NFYA: variants seen among roughly 807,000 people sequenced by gnomAD.
NFYA encodes nuclear transcription factor Y subunit alpha.
A neutral mutation model predicts 52.8 loss-of-function variants in NFYA; 28 were observed. The ratio of observed to expected loss-of-function variants is 0.53; its 90% CI spans 0.39 to 0.73. The LOEUF (loss-of-function observed/expected upper bound fraction) is 0.73, where lower values mean the gene tolerates loss of function less well. Ranked by LOEUF, NFYA falls within the 30% of genes least tolerant of loss-of-function variation. The pLI is 0.00. For synonymous variants in NFYA, 150 were observed against 150.7 expected, an observed-to-expected ratio of 1.00 and a Z score of 0.03; for missense variants, 234 against 427.0, an observed-to-expected ratio of 0.55 and a Z score of 3.98.
Position 41,093,065 on chromosome 6 carries a change from A to G in NFYA, c.868A>G (p.Lys290Glu). The change falls in exon 8 of 10, where the codon AAA becomes GAA. Residue 290 changes from lysine to glutamate, a missense_variant. Around this residue, in one of 3 missense-constraint regions of NFYA, gnomAD observed 81 missense variants for 210.5 expected, o/e 0.38. Transcript: ENST00000341376. ...QARAKLEAEG[K>E]IPKERRKYLH... ...CCGAGCTAAACTAGAGGCAGAAGGG[A>G]AAATTCCAAAGGAGAGAAGGGTATG... 6.2e-7 allele frequency: 1 copy of G among 1,614,146 alleles called. No homozygotes were observed. Among genetic ancestry groups the G allele is most frequent in the Non-Finnish European group, 8.5e-7 (1 of 1,179,990 alleles).
In NFYA at chr6:41,088,869, T is replaced by C. The variant is rs1582031736; in HGVS notation, c.310-710T>C. Among the ~76,000 whole-genome samples, 2 of 152,108 alleles carry C rather than the reference T, an allele frequency of 1.3e-5. 1 individual carries two copies. The highest frequency in any genetic ancestry group is 3.9e-4 in the East Asian group (2 of 5,164). ...GTGCTGGGATTATGGGCATAAGCCA[T>C]TGTACCCGGCTTTCAGCATTTTTAA... On this transcript the variant is annotated intron_variant, in intron 4 of 9. Transcript: ENST00000341376.
chr6:41,077,333 A>G (rs187985609), intron 1 of NFYA, among the ~76,000 whole-genome samples: 1 of 152,140 alleles, frequency 6.6e-6, no homozygotes, highest in South Asian at 2.1e-4. Context: ...ATGAAGATAT[A>G]AAACATTTTC....
chr6:41,076,342 C>T (rs1763733038), intron 1 of NFYA, among the ~76,000 whole-genome samples: 1 of 152,184 alleles, frequency 6.6e-6, no homozygotes, highest in South Asian at 2.1e-4. Context: ...ATGCTTTATA[C>T]ATGTGTGCAC....
intron 4 of NFYA, among the ~76,000 whole-genome samples, chr6:41,084,968 A>G (rs1260358092): frequency 6.6e-6 from 1 of 152,248 alleles, no homozygotes; most frequent in Admixed American, 6.5e-5. Context: ...CTCAAAAAAA[A>G]AGAAGAGATT....
At chr6:41,077,000 T>C (rs1763749665) in intron 1 of NFYA, among the ~76,000 whole-genome samples, 1 of 152,228 alleles carries the variant, frequency 6.6e-6, no homozygotes, top group South Asian at 2.1e-4. Flanking sequence ...ATTTAAATAT[T>C]GCTAAATTGG....
intron 3 of NFYA, among the ~76,000 whole-genome samples, chr6:41,082,249 C>T (rs749800987): frequency 2.6e-5 from 4 of 152,134 alleles, no homozygotes; most frequent in Admixed American, 6.6e-5. Context: ...TAAATTAAGC[C>T]GAAAGAAACT....
intron 1 of NFYA, among the ~76,000 whole-genome samples, chr6:41,074,665 G>A (rs934494178): frequency 3.3e-5 from 5 of 152,218 alleles, no homozygotes; most frequent in African/African-American, 7.2e-5. Flanking sequence ...GATAGTTTAG[G>A]GGGGAAAGCC....
intron 4 of NFYA, among the ~76,000 whole-genome samples, chr6:41,087,890 A>AAGATAGATTTGGATAGCACAC (rs1764088799): frequency 6.6e-6 from 1 of 152,210 alleles, no homozygotes. Context: ...AAAAAGAAAG[A>AAGATAGATTTGGATAGCACAC]AGATAGATTT....
rs781245771 is a variant in NFYA at position 41,100,469 on chromosome 6, C to T, written c.*3059C>T. On this transcript the variant is annotated 3_prime_UTR_variant, in exon 10 of 10. Coordinates refer to ENST00000341376, the MANE Select transcript of NFYA (RefSeq NM_002505.5). ...CTAAGCAACAAAGACTAGAAGCCTC[C>T]GATATGCCATTATCAACACACAAGA... Among the ~76,000 whole-genome samples, 13 of 152,126 alleles carry T rather than the reference C, an allele frequency of 8.5e-5. No individual in the cohort carries two copies. Among genetic ancestry groups the T allele is most frequent in the Non-Finnish European group, 1.6e-4 (11 of 68,026 alleles).
intron 4 of NFYA, among the ~76,000 whole-genome samples, chr6:41,085,135 A>C (rs9296352): frequency 0.22 from 33,721 of 152,194 alleles, 5,413 homozygotes; most frequent in African/African-American, 0.45. Context: ...TTGGTAATTT[A>C]AAACTGTAGA....
At chr6:41,085,047 C>T (rs1451928300) in intron 4 of NFYA, among the ~76,000 whole-genome samples, 3 of 151,502 alleles carry the variant, frequency 2.0e-5, no homozygotes, top group East Asian at 1.9e-4. Flanking sequence ...TATTTCTCAT[C>T]GAGATGGCAA....
chr6:41,085,684 G>A (rs1161118245), intron 4 of NFYA, among the ~76,000 whole-genome samples: 1 of 151,786 alleles, frequency 6.6e-6, no homozygotes, highest in Admixed American at 6.6e-5. Flanking sequence ...TACTTTTTGT[G>A]TATTCTTTTG....
intron 4 of NFYA, 84 bp from the exon 5 acceptor site, chr6:41,089,495 C>CTAGAGAAAT: frequency 1.4e-6 from 2 of 1,387,920 alleles, no homozygotes; most frequent in Non-Finnish European, 9.5e-7. Context: ...TTTCTGCTTT[C>CTAGAGAAAT]TAGAGAAATG....
intron 6 of NFYA, among the ~76,000 whole-genome samples, chr6:41,090,745 G>T (rs750949321): frequency 6.6e-6 from 1 of 152,142 alleles, no homozygotes; most frequent in Non-Finnish European, 1.5e-5. Flanking sequence ...CTCTAGTCTA[G>T]TAAGAAAGAC....
chr6:41,074,327 G>A (rs1338804781), intron 1 of NFYA, among the ~76,000 whole-genome samples: 1 of 152,218 alleles, frequency 6.6e-6, no homozygotes, highest in African/African-American at 2.4e-5. Flanking sequence ...TATATGCCAG[G>A]TATAATCCGT....
intron 7 of NFYA, 128 bp downstream of exon 7, chr6:41,091,822 C>G: frequency 2.0e-6 from 2 of 1,000,302 alleles, no homozygotes; most frequent in Non-Finnish European, 2.9e-6. Context: ...CGGTAATCTA[C>G]TTTGACAATA....
In NFYA at chr6:41,102,179, G is replaced by A. The variant is rs1467910231; in HGVS notation, c.*4769G>A. 1 of 152,050 alleles carries A rather than the reference G, an allele frequency of 6.6e-6. No individual in the cohort carries two copies. Among genetic ancestry groups the A allele is most frequent in the East Asian group, 1.9e-4 (1 of 5,180 alleles). 9.4% of individuals were successfully genotyped at this position (152,050 alleles called of 1,614,324 possible). On this transcript the variant is annotated 3_prime_UTR_variant, in exon 10 of 10. Coordinates refer to ENST00000341376, the MANE Select transcript of NFYA (RefSeq NM_002505.5). ...CTCCTGGGGGTTTATAAAAGAAGGG[G>A]GCCAGAAGTACTTTAAAACAGGTAC...
rs1282208680 is a variant in NFYA, at chr6:41,079,124, C to G, written c.35C>G (p.Thr12Arg). 1 of 1,614,180 alleles carries G rather than the reference C, an allele frequency of 6.2e-7. No homozygotes were observed. Among genetic ancestry groups the G allele is most frequent in the Non-Finnish European group, 8.5e-7 (1 of 1,180,020 alleles). ...TATACAGCAAACAGCAATAGTTCGA[C>G]AGAGCAGATTGTTGTCCAGGCAGGA... Reference protein sequence around the residue: ...EQYTANSNSSTEQIVVQAGQI... With the variant: ...EQYTANSNSSREQIVVQAGQI... Residue 12 changes from threonine (T) to arginine (R), a missense_variant, in exon 2 of 10, where the codon ACA becomes AGA. Thr to Arg is a moderately conservative substitution (Grantham distance 71, BLOSUM62 -1). This residue lies in a region of NFYA where 118 missense variants were observed against 182.4 expected (regional missense o/e 0.65). Transcript: ENST00000341376.
intron 8 of NFYA, among the ~76,000 whole-genome samples, chr6:41,093,794 C>T (rs1257901828): frequency 6.6e-6 from 1 of 152,202 alleles, no homozygotes; most frequent in East Asian, 1.9e-4. Flanking sequence ...TTCAAGGAAA[C>T]TTTGAAGAAG....
Sources: gnomAD v4.1 joint callset for allele counts (sites outside exome capture counted in the v4.1 genomes callset) on GRCh38, gnomAD v4.1.1 for gene constraint, gnomAD v4.1.1 regional missense constraint, MANE v1.5 for transcripts, NCBI Gene and HGNC (gene_info 2026-07-23, HGNC 2026-07-21) for gene names.